Variants in CLPP observed in about 807,000 individuals in gnomAD.
CLPP encodes the protein caseinolytic mitochondrial matrix peptidase proteolytic subunit, also known as ATP-dependent Clp protease proteolytic subunit, mitochondrial.
Under a neutral mutation model 27.4 loss-of-function variants are expected in CLPP, and 14 were observed. That is an observed-to-expected ratio of 0.51 (90% confidence interval 0.34 to 0.80). The LOEUF is 0.80. CLPP is among the 30% of genes least tolerant of loss of function. The pLI is 0.02. For synonymous variants in CLPP, 193 were observed against 166.6 expected (o/e 1.16, Z -1.22); for missense variants, 361 against 403.6 (o/e 0.89, Z 0.90).
chr19:6,369,414 CAAAA>C lies in CLPP; in HGVS notation c.*716_*719del, dbSNP rs61441319. ...TGGGCAACAGAGCAAGGCTCTGTCT[CAAAA>C]AAAAAAAAAAACAAAAACAGGAAAG... is the stretch of plus-strand genomic sequence containing the variant. On this transcript the variant is annotated 3_prime_UTR_variant, in exon 6 of 6. Coordinates refer to ENST00000245816, the MANE Select transcript of CLPP (RefSeq NM_006012.4). Among the ~76,000 whole-genome samples, 47 of 115,164 alleles carry C rather than the reference CAAAA, an allele frequency of 4.1e-4. No homozygotes were observed. In the South Asian group the frequency reaches 0.012, roughly 30 times the overall value. The allele number at this position is 115,164 out of a possible 152,430, so 75.6% of individuals were successfully genotyped here.
Position 6,364,731 on chromosome 19 carries a change from GTT to G in CLPP, c.555+106_555+107del, listed in dbSNP as rs371513262. On this transcript the variant is annotated intron_variant, in intron 4 of 5. Coordinates refer to ENST00000245816, the MANE Select transcript of CLPP (RefSeq NM_006012.4). ...GCGGAAGTCAAGCGTGGGAGGGGAT[GTT>G]TTTTTTTTTTTTTGAGATGGAGTCT... 0.012 allele frequency: 10,552 copies of G among 849,752 alleles called. 21 individuals are homozygous for G. Among genetic ancestry groups the G allele is most frequent in the African/African-American group, 0.032 (1,777 of 54,730 alleles). The allele number at this position is 849,752 out of a possible 1,614,324, so 52.6% of individuals were successfully genotyped here. A position where few individuals can be genotyped will look rare whatever the true frequency, so the allele number is the denominator to read the frequency against.
chr19:6,363,802 G>A (rs1245548570), intron 3 of CLPP, among the ~76,000 whole-genome samples: 1 of 151,490 alleles, frequency 6.6e-6, no homozygotes, highest in African/African-American at 2.4e-5. Flanking sequence ...GGCTGAGGCA[G>A]GAGAATTGCA....
rs767696960 is a variant in CLPP at position 6,369,186 on chromosome 19, C to G, written c.*476C>G. Among the ~76,000 whole-genome samples, 7 of 152,062 alleles carry G rather than the reference C, an allele frequency of 4.6e-5. No individual in the cohort carries two copies. The highest frequency in any genetic ancestry group is 1.0e-4 in the Non-Finnish European group (7 of 68,006). On this transcript the variant is annotated 3_prime_UTR_variant, in exon 6 of 6. Transcript: ENST00000245816. ...GCCTGTAATCCCAGCACTTTGGGAGCCCGAGGCAGGCGGATCATGAGGTCA... is the reference window on the plus strand; with the variant it reads ...GCCTGTAATCCCAGCACTTTGGGAGGCCGAGGCAGGCGGATCATGAGGTCA...
At chr19:6,366,009 G>C (rs1166750471) in intron 4 of CLPP, among the ~76,000 whole-genome samples, 1 of 151,732 alleles carries the variant, frequency 6.6e-6, no homozygotes, top group African/African-American at 2.4e-5. Flanking sequence ...GAGACAGAGA[G>C]ACACTGTTCC....
rs1391516014 is a variant in CLPP, at chr19:6,361,696, G to C, written c.122G>C (p.Gly41Ala). The C allele has an allele frequency of 1.3e-6, 2 of 1,498,206 alleles. No individual in the cohort carries two copies. The highest frequency in any genetic ancestry group is 2.5e-5 in the East Asian group (1 of 40,286). 92.8% of individuals were successfully genotyped at this position (1,498,206 alleles called of 1,614,324 possible). Residue 41 changes from glycine to alanine, a missense_variant, in exon 1 of 6, where the codon GGC becomes GCC. Physicochemically the swap from Gly to Ala is moderately conservative, Grantham distance 60 (BLOSUM62 0). Around this residue, in one of 2 missense-constraint regions of CLPP, gnomAD observed 148 missense variants for 122.6 expected, o/e 1.21. Coordinates refer to ENST00000245816, the MANE Select transcript of CLPP (RefSeq NM_006012.4). Reference protein sequence around the residue: ...QRPPQRTLQNGLALQRCLHAT... With the variant: ...QRPPQRTLQNALALQRCLHAT... Reference sequence around the variant, plus strand: ...CCGCCGCAGCGGACACTCCAGAACGGCCTGGCCCTGCAGCGGTGCCTGCAC... The same window carrying C: ...CCGCCGCAGCGGACACTCCAGAACGCCCTGGCCCTGCAGCGGTGCCTGCAC...
intron 4 of CLPP, chr19:6,365,324 C>A (rs1041960336): frequency 6.6e-6 from 1 of 151,944 alleles, no homozygotes; most frequent in Non-Finnish European, 1.5e-5. Flanking sequence ...ACTAAAAATA[C>A]AAAAATTAGC....
rs762541732 is a variant in CLPP at position 6,361,927 on chromosome 19, G to C, written c.257G>C (p.Cys86Ser). 1 of 1,597,734 alleles carries C rather than the reference G, an allele frequency of 6.3e-7. No individual in the cohort carries two copies. Among genetic ancestry groups the C allele is most frequent in the Non-Finnish European group, 8.5e-7 (1 of 1,179,284 alleles). Reference protein sequence around the residue: ...YSRLLRERIVCVMGPIDDSVA... With the variant: ...YSRLLRERIVSVMGPIDDSVA... The stretch of plus-strand genomic sequence containing the variant: ...CGGCTGCTGCGGGAGCGCATCGTGT[G>C]CGTCATGGGCCCGGTGAGCGCCCCG... The change falls in exon 2 of 6, where the codon TGC becomes TCC. Residue 86 changes from cysteine to serine, a missense_variant. Coordinates refer to ENST00000245816, the MANE Select transcript of CLPP (RefSeq NM_006012.4).
chr19:6,361,995 C>G, intron 2 of CLPP, 55 bp downstream of exon 2: 1 of 1,499,582 alleles, frequency 6.7e-7, no homozygotes, highest in Non-Finnish European at 9.1e-7. Context: ...CCTGCCGACA[C>G]TCCCTGCGCC....
chr19:6,366,107 G>C (rs1241764074), intron 4 of CLPP, 151 bp from the exon 5 acceptor site: 1 of 604,034 alleles, frequency 1.7e-6, no homozygotes, highest in African/African-American at 1.9e-5. Flanking sequence ...ACTGAAGCAG[G>C]ATATCGGGGG....
At chr19:6,362,352 T>G (rs2091839815) in intron 2 of CLPP, 94 bp from the exon 3 acceptor site, 1 of 829,668 alleles carries the variant, frequency 1.2e-6, no homozygotes, top group African/African-American at 1.7e-5. Flanking sequence ...TGGGCTCTGG[T>G]CCCCCTTCCT....
rs2091878724 is a variant in CLPP at position 6,369,576 on chromosome 19, C to T, written c.*866C>T. ...GTGGAGCCTGTGTCCAGGCAGAGGGCACAGCCAGTGCAAAGGCCCTGTGAC... is the reference window on the plus strand; with the variant it reads ...GTGGAGCCTGTGTCCAGGCAGAGGGTACAGCCAGTGCAAAGGCCCTGTGAC... On this transcript the variant is annotated 3_prime_UTR_variant, in exon 6 of 6. Transcript: ENST00000245816. Among the ~76,000 whole-genome samples, 1 of 152,130 alleles carries T rather than the reference C, an allele frequency of 6.6e-6. No homozygotes were observed. The highest frequency in any genetic ancestry group is 1.5e-5 in the Non-Finnish European group (1 of 68,022).
Position 6,369,247 on chromosome 19 carries a change from C to T in CLPP, c.*537C>T, listed in dbSNP as rs1212334434. The stretch of plus-strand genomic sequence containing the variant: ...AACATCCTGGCTAACATGGTGAAAC[C>T]CCATTTCTACTAAAAATACAAAAAT... On this transcript the variant is annotated 3_prime_UTR_variant, in exon 6 of 6. Transcript: ENST00000245816. Among the ~76,000 whole-genome samples the T allele has an allele frequency of 6.6e-6, 1 of 152,030 alleles. No homozygotes were observed. The highest frequency in any genetic ancestry group is 2.4e-5 in the African/African-American group (1 of 41,394).
chr19:6,361,897 A>G lies in CLPP; in HGVS notation c.227A>G (p.Tyr76Cys), dbSNP rs1402354377. 6.3e-7 allele frequency: 1 copy of G among 1,595,462 alleles called. No individual in the cohort carries two copies. Residue 76 changes from tyrosine (Y) to cysteine (C), a missense_variant, in exon 2 of 6, where the codon TAC (tyrosine) becomes TGC (cysteine). By Grantham distance (194) the Tyr-to-Cys change is radical (BLOSUM62 -2). Transcript: ENST00000245816. ...TGRGERAYDI[Y>C]SRLLRERIVC... ...CGCGGCGAGCGCGCCTATGACATCT[A>G]CTCGCGGCTGCTGCGGGAGCGCATC...
chr19:6,366,305 C>G lies in CLPP; in HGVS notation c.603C>G (p.Leu201=), dbSNP rs1312223808. The stretch of plus-strand genomic sequence containing the variant: ...TCCAGGCAGAGGAGATCATGAAGCT[C>G]AAGAAGCAGCTCTATAACATCTACG... ...IAIQAEEIMK[L]KKQLYNIYAK... Residue 201 remains leucine (L), a synonymous_variant, in exon 5 of 6, where the codon CTC becomes CTG. Transcript: ENST00000245816. The G allele has an allele frequency of 1.9e-6, 3 of 1,612,768 alleles. No homozygotes were observed. The highest frequency in any genetic ancestry group is 2.7e-5 in the African/African-American group (2 of 74,888).
chr19:6,369,160 C>G lies in CLPP; in HGVS notation c.*450C>G, dbSNP rs140106567. Reference sequence around the variant, plus strand: ...AAAACAGGCCAGGCGCGCTGGCTCACGCCTGTAATCCCAGCACTTTGGGAG... The same window carrying G: ...AAAACAGGCCAGGCGCGCTGGCTCAGGCCTGTAATCCCAGCACTTTGGGAG... On this transcript the variant is annotated 3_prime_UTR_variant, in exon 6 of 6. Coordinates refer to ENST00000245816, the MANE Select transcript of CLPP (RefSeq NM_006012.4). Among the ~76,000 whole-genome samples the G allele has an allele frequency of 3.9e-3, 587 of 152,296 alleles. 3 individuals are homozygous for G. Among genetic ancestry groups the G allele is most frequent in the Non-Finnish European group, 6.7e-3 (455 of 68,024 alleles).
At chr19:6,362,715 C>T (rs1022485585) in intron 3 of CLPP, among the ~76,000 whole-genome samples, 173 bp downstream of exon 3, 8 of 152,124 alleles carry the variant, frequency 5.3e-5, no homozygotes, top group Admixed American at 3.9e-4. Flanking sequence ...TTTTGAGCCT[C>T]GGTTCACAAG....
chr19:6,367,567 G>A (rs938657113), intron 5 of CLPP, among the ~76,000 whole-genome samples: 1 of 151,936 alleles, frequency 6.6e-6, no homozygotes, highest in African/African-American at 2.4e-5. Context: ...ATTAGTGACT[G>A]TCGTGGGCCC....
rs186703593 is a variant in CLPP at position 6,365,834 on chromosome 19, C to T, written c.556-424C>T. Among the ~76,000 whole-genome samples the T allele has an allele frequency of 7.6e-4, 111 of 146,808 alleles. 3 individuals carry two copies. Among genetic ancestry groups the T allele is most frequent in the Middle Eastern group, 3.5e-3 (1 of 286 alleles). On this transcript the variant is annotated intron_variant, in intron 4 of 5. Coordinates refer to ENST00000245816, the MANE Select transcript of CLPP (RefSeq NM_006012.4). ...ACCCTGTCTCAAAAAAAAAAAAAGG[C>T]GGCCAGGCATGGTGGCTCATGCCTG...
rs566205883 is a variant in CLPP at position 6,368,602 on chromosome 19, C to T, written c.726C>T (p.Asp242=). 12 of 1,613,844 alleles carry T rather than the reference C, an allele frequency of 7.4e-6. No homozygotes were observed. In the South Asian group the frequency reaches 1.2e-4, roughly 16 times the overall value. ...PMEAQEFGIL[D]KVLVHPPQDG... ...AGGCCCAGGAGTTTGGCATCTTAGA[C>T]AAGGTTCTGGTCCACCCTCCCCAGG... The change falls in exon 6 of 6, where the codon GAC becomes GAT. Residue 242 remains aspartate (D), a synonymous_variant. Transcript: ENST00000245816.
Sources: allele counts gnomAD v4.1 joint callset (sites outside exome capture counted in the v4.1 genomes callset), GRCh38; gene constraint gnomAD v4.1.1; regional missense constraint gnomAD v4.1.1; transcripts MANE v1.5; gene names NCBI Gene and HGNC (gene_info 2026-07-23, HGNC 2026-07-21).